MAF: variants seen among roughly 807,000 people sequenced by gnomAD.
MAF encodes the protein MAF bZIP transcription factor, also known as transcription factor Maf.
A neutral mutation model predicts 22.0 loss-of-function variants in MAF; 10 were observed. The ratio of observed to expected loss-of-function variants is 0.45; its 90% CI spans 0.28 to 0.77. The LOEUF is 0.77. MAF is among the 30% of genes least tolerant of loss of function. The pLI, the probability that MAF is intolerant of heterozygous loss-of-function variation, is 0.12. For missense variants in MAF, 544 were observed against 548.4 expected (o/e 0.99, Z 0.08); for synonymous variants, 337 against 255.8 (o/e 1.32, Z -3.03).
At chr16:79,295,248 G>C in the MAF span, among the ~76,000 whole-genome samples, 1 of 152,134 alleles carries the variant, frequency 6.6e-6, no homozygotes, top group Non-Finnish European at 1.5e-5. Flanking sequence ...AATGATAAAA[G>C]AAAAATTTCA....
chr16:79,549,496 G>C, the MAF span, among the ~76,000 whole-genome samples: 2 of 152,170 alleles, frequency 1.3e-5, no homozygotes. Context: ...CAAATTCAAG[G>C]TGAAGAACTT....
At chr16:79,580,570 C>T in the MAF span, among the ~76,000 whole-genome samples, 1 of 152,144 alleles carries the variant, frequency 6.6e-6, no homozygotes, top group Non-Finnish European at 1.5e-5. Flanking sequence ...CTTCGAAGGT[C>T]TGATGAGTCT....
the MAF span, among the ~76,000 whole-genome samples, chr16:79,567,143 C>T: frequency 6.6e-6 from 1 of 152,180 alleles, no homozygotes; most frequent in East Asian, 1.9e-4. Flanking sequence ...CATGGCGAAA[C>T]CCTGTCTCTA....
chr16:79,302,947 C>G, the MAF span, among the ~76,000 whole-genome samples: 1 of 152,382 alleles, frequency 6.6e-6, no homozygotes, highest in African/African-American at 2.4e-5. Flanking sequence ...GGGAGACACT[C>G]TCCAACAAAC....
chr16:79,211,577 T>G, the MAF span: 10 of 1,571,836 alleles, frequency 6.4e-6, no homozygotes, highest in South Asian at 7.9e-5. Context: ...TTTCTTAAAA[T>G]TTTTTTTTGT....
At chr16:79,452,801 T>A in the MAF span, among the ~76,000 whole-genome samples, 36 of 152,130 alleles carry the variant, frequency 2.4e-4, no homozygotes, top group Non-Finnish European at 4.9e-4. Flanking sequence ...CTCCTCCAGT[T>A]GGCTGAAAGG....
the MAF span, among the ~76,000 whole-genome samples, chr16:79,400,870 G>A: frequency 6.6e-6 from 1 of 152,234 alleles, no homozygotes; most frequent in African/African-American, 2.4e-5. Flanking sequence ...GGTATCTTCC[G>A]GGGAAGGAGG....
the MAF span, among the ~76,000 whole-genome samples, chr16:79,480,830 T>G: frequency 6.6e-6 from 1 of 152,232 alleles, no homozygotes; most frequent in African/African-American, 2.4e-5. Context: ...GGGAAAACAG[T>G]TGGATGACAT....
chr16:79,296,934 T>C, the MAF span, among the ~76,000 whole-genome samples: 1 of 152,226 alleles, frequency 6.6e-6, no homozygotes, highest in Non-Finnish European at 1.5e-5. Flanking sequence ...CACAAAACTT[T>C]GCTTTTTGGA....
At chr16:79,385,390 T>G in the MAF span, among the ~76,000 whole-genome samples, 1 of 152,366 alleles carries the variant, frequency 6.6e-6, no homozygotes, top group African/African-American at 2.4e-5. Flanking sequence ...AAAATTCATT[T>G]CATTTTTTAT....
the MAF span, among the ~76,000 whole-genome samples, chr16:79,303,467 G>C: frequency 6.6e-6 from 1 of 152,298 alleles, no homozygotes; most frequent in East Asian, 1.9e-4. Context: ...AATTCTTCAA[G>C]AATGATCCCT....
the MAF span, among the ~76,000 whole-genome samples, chr16:79,215,516 G>C: frequency 6.6e-6 from 1 of 152,290 alleles, no homozygotes; most frequent in South Asian, 2.1e-4. Context: ...ATGTCAAAGA[G>C]AACCAAGAGA....
At chr16:79,532,332 C>T in the MAF span, among the ~76,000 whole-genome samples, 4 of 152,040 alleles carry the variant, frequency 2.6e-5, no homozygotes, top group African/African-American at 7.2e-5. Flanking sequence ...CACTGGGAGA[C>T]AAATATTTTA....
chr16:79,436,489 C>A, the MAF span, among the ~76,000 whole-genome samples: 2 of 152,168 alleles, frequency 1.3e-5, no homozygotes, highest in Non-Finnish European at 2.9e-5. Flanking sequence ...TGCCGATGAC[C>A]CATTGGGAAC....
the MAF span, among the ~76,000 whole-genome samples, chr16:79,221,391 C>G: frequency 2.6e-5 from 4 of 152,164 alleles, no homozygotes; most frequent in African/African-American, 7.2e-5. Flanking sequence ...TTCCAGAAGC[C>G]TGTGTAAATC....
chr16:79,532,247 T>TGA, the MAF span, among the ~76,000 whole-genome samples: 1 of 152,148 alleles, frequency 6.6e-6, no homozygotes, highest in African/African-American at 2.4e-5. Context: ...CACTCTGGTT[T>TGA]GAGAAGAACC....
chr16:79,568,771 C>G, the MAF span, among the ~76,000 whole-genome samples: 1 of 152,184 alleles, frequency 6.6e-6, no homozygotes, highest in Non-Finnish European at 1.5e-5. Context: ...CATCTTGAAC[C>G]CTTCAAGACA....
chr16:79,257,376 T>C, the MAF span, among the ~76,000 whole-genome samples: 1 of 152,156 alleles, frequency 6.6e-6, no homozygotes, highest in Non-Finnish European at 1.5e-5. Flanking sequence ...CTAAAATTGT[T>C]TCAAAATGCA....
chr16:79,360,738 T>A, the MAF span, among the ~76,000 whole-genome samples: 1 of 152,128 alleles, frequency 6.6e-6, no homozygotes. Context: ...TTTCAATCAT[T>A]TTCAGAGAAG....
Sources: gnomAD v4.1 joint callset for allele counts (sites outside exome capture counted in the v4.1 genomes callset) on GRCh38, gnomAD v4.1.1 for gene constraint, MANE v1.5 for transcripts, NCBI Gene and HGNC (gene_info 2026-07-23, HGNC 2026-07-21) for gene names.